Variants in MAN1C1 observed in about 807,000 individuals in gnomAD.
MAN1C1 encodes the protein mannosidase alpha class 1C member 1.
In MAN1C1, 49 loss-of-function variants were observed where a neutral mutation model predicts 71.5. The observed-to-expected ratio is 0.69, with a 90% confidence interval of 0.54 to 0.87. MAN1C1 has a LOEUF of 0.87. MAN1C1 is among the 40% of genes least tolerant of loss of function. MAN1C1 has a pLI of 0.00. For synonymous variants in MAN1C1, 352 were observed against 343.7 expected (o/e 1.02, Z -0.27); for missense variants, 743 against 835.0 (o/e 0.89, Z 1.36).
At chr1:25,671,338 C>T (rs189960012) in intron 1 of MAN1C1, among the ~76,000 whole-genome samples, 3 of 152,340 alleles carry the variant, frequency 2.0e-5, no homozygotes, top group Non-Finnish European at 4.4e-5. Flanking sequence ...TGGATGTCCA[C>T]TACTGGATAA....
In MAN1C1 at chr1:25,753,372, C is replaced by T. The variant is rs922740489; in HGVS notation, c.835-112C>T. 30 of 685,930 alleles carry T rather than the reference C, an allele frequency of 4.4e-5. No individual in the cohort carries two copies. Among genetic ancestry groups the T allele is most frequent in the Middle Eastern group, 5.3e-4 (2 of 3,746 alleles). 42.5% of individuals were successfully genotyped at this position (685,930 alleles called of 1,614,324 possible). ...CGGGCTGGTGGACTGCAGCACTGCCCCCTACTCTAGACCTGCAGCCCTGGG... is the reference window on the plus strand; with the variant it reads ...CGGGCTGGTGGACTGCAGCACTGCCTCCTACTCTAGACCTGCAGCCCTGGG... On this transcript the variant is annotated intron_variant, in intron 4 of 11. Coordinates refer to ENST00000374332, the MANE Select transcript of MAN1C1 (RefSeq NM_020379.4). This position sits in a 1 kb window ranked among gnomAD's most constrained non-coding sequence, Gnocchi z 4.9.
At chr1:25,665,474 G>A (rs550960891) in intron 1 of MAN1C1, among the ~76,000 whole-genome samples, 44 of 152,262 alleles carry the variant, frequency 2.9e-4, no homozygotes, top group African/African-American at 9.1e-4. Flanking sequence ...CCAGTAGCAA[G>A]ACGGAAAAAC....
In MAN1C1 at chr1:25,660,449, G is replaced by A. The variant is rs377115808; in HGVS notation, c.541-25991G>A. On this transcript the variant is annotated intron_variant, in intron 1 of 11. Coordinates refer to ENST00000374332, the MANE Select transcript of MAN1C1 (RefSeq NM_020379.4). Reference sequence around the variant, plus strand: ...TGAGTGTCGCCTAGGCTGGAGTGCAGTGGTGCCATCTCGGCTCACTGCAAG... The same window carrying A: ...TGAGTGTCGCCTAGGCTGGAGTGCAATGGTGCCATCTCGGCTCACTGCAAG... 4.4e-5 allele frequency among the ~76,000 whole-genome samples: 6 copies of A among 135,106 alleles called. No homozygotes were observed. In the Admixed American group the frequency reaches 4.9e-4, roughly 11 times the overall value. The allele number at this position is 135,106 out of a possible 152,430, so 88.6% of individuals were successfully genotyped here. A position where few individuals can be genotyped will look rare whatever the true frequency, so the allele number is the denominator to read the frequency against.
intron 2 of MAN1C1, among the ~76,000 whole-genome samples, chr1:25,739,681 T>C (rs996220966): frequency 2.0e-5 from 3 of 152,080 alleles, no homozygotes; most frequent in African/African-American, 2.4e-5. Flanking sequence ...TTCATTTCCT[T>C]GTAGAGATTG....
chr1:25,623,613 G>C (rs1401312219), intron 1 of MAN1C1, among the ~76,000 whole-genome samples: 1 of 152,076 alleles, frequency 6.6e-6, no homozygotes. Context: ...TTGCTCAAAG[G>C]GACTTACATC....
rs200232101 is a variant in MAN1C1 at position 25,763,882 on chromosome 1, C to T, written c.1056C>T (p.Asn352=). The part of the protein sequence containing the change: ...GNQVFAEKVR[N]IRKVLRKIEK... ...TGTCCGTCTCTCGGCAGGTCAGGAA[C>T]ATCCGCAAGGTCCTCAGGAAGATCG... Residue 352 remains asparagine (N), a synonymous_variant, in exon 7 of 12, where the codon AAC becomes AAT. Coordinates refer to ENST00000374332, the MANE Select transcript of MAN1C1 (RefSeq NM_020379.4). 2 of 1,613,812 alleles carry T rather than the reference C, an allele frequency of 1.2e-6. No individual in the cohort carries two copies. The highest frequency in any genetic ancestry group is 2.2e-5 in the East Asian group (1 of 44,882).
At chr1:25,767,921 C>A (rs2047467731) in intron 7 of MAN1C1, among the ~76,000 whole-genome samples, 2 of 68,224 alleles carry the variant, frequency 2.9e-5, no homozygotes, top group Non-Finnish European at 2.6e-5. Context: ...ACACACTCCC[C>A]CACACAGACC....
At chr1:25,695,612 C>A (rs1258993145) in intron 2 of MAN1C1, among the ~76,000 whole-genome samples, 1 of 151,070 alleles carries the variant, frequency 6.6e-6, no homozygotes, top group Admixed American at 6.6e-5. Context: ...CGACCACTCA[C>A]CGCTCCACAC....
In MAN1C1 at chr1:25,617,796, CG is replaced by C; in HGVS notation, c.-1del. The C allele has an allele frequency of 6.9e-6, 11 of 1,590,330 alleles. No individual in the cohort carries two copies. The highest frequency in any genetic ancestry group is 9.4e-6 in the Non-Finnish European group (11 of 1,171,266). ...GCTTCTGGAGCCACCGGCCGGGCCA[CG>C]ATGCTCATGAGGAAAGTGCCCGGCT... On this transcript the variant is annotated 5_prime_UTR_variant, in exon 1 of 12. Transcript: ENST00000374332. This position sits in a 1 kb window ranked among gnomAD's most constrained non-coding sequence, Gnocchi z 5.1.
At chr1:25,636,743 C>G (rs2045466882) in intron 1 of MAN1C1, among the ~76,000 whole-genome samples, 1 of 152,196 alleles carries the variant, frequency 6.6e-6, no homozygotes, top group Admixed American at 6.5e-5. Flanking sequence ...TAAAGTAAGA[C>G]AGGCATAAGA....
intron 1 of MAN1C1, among the ~76,000 whole-genome samples, chr1:25,665,766 A>G (rs2045914086): frequency 6.6e-6 from 1 of 151,996 alleles, no homozygotes. Context: ...TAGTAGAAGA[A>G]ATGGTGTCAG....
intron 1 of MAN1C1, among the ~76,000 whole-genome samples, chr1:25,647,762 G>A (rs962993305): frequency 3.9e-5 from 6 of 152,154 alleles, no homozygotes; most frequent in African/African-American, 1.4e-4. Flanking sequence ...AGCGATGGGG[G>A]AATAGAAATT....
chr1:25,671,164 C>T (rs2045987882), intron 1 of MAN1C1, among the ~76,000 whole-genome samples: 1 of 152,232 alleles, frequency 6.6e-6, no homozygotes, highest in Admixed American at 6.5e-5. Context: ...CAGGCTTGAG[C>T]CACAACACCT....
intron 1 of MAN1C1, among the ~76,000 whole-genome samples, chr1:25,624,434 A>T (rs1276619546): frequency 1.3e-5 from 2 of 152,112 alleles, no homozygotes; most frequent in Non-Finnish European, 2.9e-5. Flanking sequence ...CTAAGATTTG[A>T]TTGAGAGCTC....
chr1:25,688,030 T>A (rs917708740), intron 2 of MAN1C1, among the ~76,000 whole-genome samples: 3 of 152,348 alleles, frequency 2.0e-5, no homozygotes, highest in African/African-American at 7.2e-5. Context: ...TAACGGTGTC[T>A]GTGATTGTAT....
chr1:25,667,484 C>CAAAAA (rs756375842), intron 1 of MAN1C1, among the ~76,000 whole-genome samples: 1 of 49,290 alleles, frequency 2.0e-5, no homozygotes, highest in African/African-American at 6.4e-5. Context: ...GACTCCATCT[C>CAAAAA]AAAAAAAAAA....
chr1:25,679,950 AAT>A lies in MAN1C1; in HGVS notation c.541-6462_541-6461del, dbSNP rs71576063. Among the ~76,000 whole-genome samples the A allele has an allele frequency of 1.6e-3, 184 of 117,152 alleles. 7 individuals carry two copies. Among genetic ancestry groups the A allele is most frequent in the South Asian group, 2.5e-3 (10 of 3,934 alleles). The allele number at this position is 117,152 out of a possible 152,430, so 76.9% of individuals were successfully genotyped here. ...AGACCTCTGTCTCAAAAAAAAAAAA[AAT>A]ATATATATATATATATATATATATA... On this transcript the variant is annotated intron_variant, in intron 1 of 11. Transcript: ENST00000374332.
intron 2 of MAN1C1, among the ~76,000 whole-genome samples, chr1:25,743,230 A>G (rs1451217158): frequency 5.3e-5 from 8 of 152,136 alleles, no homozygotes; most frequent in Non-Finnish European, 7.4e-5. Flanking sequence ...TTTCTAAGAC[A>G]CCTCACTGCC....
chr1:25,687,628 C>T (rs1017686675), intron 2 of MAN1C1, among the ~76,000 whole-genome samples: 1 of 152,206 alleles, frequency 6.6e-6, no homozygotes, highest in Non-Finnish European at 1.5e-5. Flanking sequence ...GCAGCCCTAT[C>T]AGAGATGTCC....
Sources: allele counts gnomAD v4.1 joint callset (sites outside exome capture counted in the v4.1 genomes callset), GRCh38; gene constraint gnomAD v4.1.1; non-coding constraint Gnocchi (gnomAD v3.1); transcripts MANE v1.5; gene names NCBI Gene and HGNC (gene_info 2026-07-23, HGNC 2026-07-21).